Variants in DLGAP2 observed in about 807,000 individuals in gnomAD.
DLGAP2 encodes the protein disks large-associated protein 2.
In DLGAP2, 26 loss-of-function variants were observed where a neutral mutation model predicts 100.3. The observed-to-expected ratio is 0.26, with a 90% CI of 0.19 to 0.36. The LOEUF is 0.36. Ranked by LOEUF, DLGAP2 falls within the 10% of genes least tolerant of loss-of-function variation. The pLI is 1.00. For synonymous variants in DLGAP2, 886 were observed against 630.1 expected, an observed-to-expected ratio of 1.41 and a Z score of -6.08; for missense variants, 1,858 against 1,453.2, an observed-to-expected ratio of 1.28 and a Z score of -4.53.
At chr8:1,175,095 C>T (rs1310475480) in intron 2 of DLGAP2, among the ~76,000 whole-genome samples, 1 of 152,124 alleles carries the variant, frequency 6.6e-6, no homozygotes, top group East Asian at 1.9e-4. Context: ...TTCCCCTTCC[C>T]ACACTTTTTT....
intron 1 of DLGAP2, among the ~76,000 whole-genome samples, chr8:797,568 G>A (rs1796061754): frequency 6.6e-6 from 1 of 152,122 alleles, no homozygotes; most frequent in Admixed American, 6.6e-5. Context: ...GTAAATGCTA[G>A]GAGAGGAACT....
At chr8:798,333 G>C (rs1796078356) in intron 1 of DLGAP2, among the ~76,000 whole-genome samples, 1 of 148,926 alleles carries the variant, frequency 6.7e-6, no homozygotes, top group South Asian at 2.2e-4. Context: ...GGCACTGAAA[G>C]CAAACGCTTG....
At chr8:1,491,231 A>G (rs1352497682) in intron 3 of DLGAP2, among the ~76,000 whole-genome samples, 1 of 152,080 alleles carries the variant, frequency 6.6e-6, no homozygotes, top group East Asian at 1.9e-4. Flanking sequence ...TTTCTCTGAA[A>G]TTCACATGTA....
chr8:1,089,946 C>A (rs1390765896), intron 2 of DLGAP2, among the ~76,000 whole-genome samples: 1 of 152,192 alleles, frequency 6.6e-6, no homozygotes, highest in Non-Finnish European at 1.5e-5. Flanking sequence ...CGTGACTTTA[C>A]TGGAAGAAGT....
At chr8:1,532,753 A>T (rs1299473907) in intron 4 of DLGAP2, among the ~76,000 whole-genome samples, 1 of 152,104 alleles carries the variant, frequency 6.6e-6, no homozygotes, top group Admixed American at 6.5e-5. Context: ...TTGTGAAAAT[A>T]CTCTTTCTCT....
At chr8:1,206,633 G>A (rs376867699) in intron 2 of DLGAP2, among the ~76,000 whole-genome samples, 9 of 89,192 alleles carry the variant, frequency 1.0e-4, no homozygotes, top group East Asian at 3.8e-4. Flanking sequence ...GACTGTGAGC[G>A]GTTAATCTCC....
intron 2 of DLGAP2, among the ~76,000 whole-genome samples, chr8:1,197,796 C>T (rs1446605996): frequency 6.6e-6 from 1 of 152,246 alleles, no homozygotes. Context: ...AACCGCACTA[C>T]CTTTTTCATC....
chr8:1,092,104 A>C (rs900160354), intron 2 of DLGAP2, among the ~76,000 whole-genome samples: 3 of 152,146 alleles, frequency 2.0e-5, no homozygotes, highest in Non-Finnish European at 4.4e-5. Context: ...GGGGACTCTC[A>C]TGGGAGCGGC....
rs114622725 is a variant in DLGAP2, at chr8:1,527,373, C to T, written c.173-21253C>T. On this transcript the variant is annotated intron_variant, in intron 4 of 14. Transcript: ENST00000637795. Reference sequence around the variant, plus strand: ...CCTGGCACATCTCTGAGTCAAGTCACCGTCACAGGCAAGCTCCCGCTTCTC... The same window carrying T: ...CCTGGCACATCTCTGAGTCAAGTCATCGTCACAGGCAAGCTCCCGCTTCTC... Among the ~76,000 whole-genome samples, 624 of 152,348 alleles carry T rather than the reference C, an allele frequency of 4.1e-3. 2 individuals are homozygous for T. Among genetic ancestry groups the T allele is most frequent in the African/African-American group, 0.015 (607 of 41,586 alleles).
chr8:946,917 C>T (rs1799339787), intron 2 of DLGAP2, among the ~76,000 whole-genome samples: 2 of 152,194 alleles, frequency 1.3e-5, no homozygotes. Flanking sequence ...GGAAAAGCCA[C>T]CGGCCGCCCT....
intron 1 of DLGAP2, among the ~76,000 whole-genome samples, chr8:820,682 G>T (rs1029873188): frequency 5.9e-5 from 9 of 152,100 alleles, no homozygotes; most frequent in Non-Finnish European, 1.3e-4. Context: ...TAGCATTTTG[G>T]GCTCATGTGC....
chr8:1,010,129 C>G (rs919469318), intron 2 of DLGAP2, among the ~76,000 whole-genome samples: 6 of 152,230 alleles, frequency 3.9e-5, no homozygotes, highest in South Asian at 2.1e-4. Context: ...TAATTAATCA[C>G]AAGCTACTTA....
chr8:1,479,114 A>G (rs1223739566), intron 3 of DLGAP2, among the ~76,000 whole-genome samples: 1 of 152,252 alleles, frequency 6.6e-6, no homozygotes, highest in East Asian at 1.9e-4. Context: ...GAGCCCAGGC[A>G]GGGGGGCAAC....
chr8:1,168,754 T>G (rs1797068849), intron 2 of DLGAP2, among the ~76,000 whole-genome samples: 1 of 139,786 alleles, frequency 7.2e-6, no homozygotes, highest in African/African-American at 2.8e-5. Context: ...TAAATTTGTT[T>G]GAGTTCATTG....
intron 3 of DLGAP2, among the ~76,000 whole-genome samples, chr8:1,417,727 A>ACGGGGAGCCCCACTC: frequency 9.0e-6 from 1 of 111,502 alleles, no homozygotes; most frequent in African/African-American, 3.1e-5. Flanking sequence ...GAGGCTCCAG[A>ACGGGGAGCCCCACTC]CACAGAAGCC....
At chr8:1,634,817 A>T (rs1797730218) in intron 8 of DLGAP2, among the ~76,000 whole-genome samples, 1 of 152,224 alleles carries the variant, frequency 6.6e-6, no homozygotes, top group South Asian at 2.1e-4. Flanking sequence ...TTTCACAGAG[A>T]TAAGAACCAG....
At chr8:1,155,476 C>T (rs1796765387) in intron 2 of DLGAP2, among the ~76,000 whole-genome samples, 1 of 152,156 alleles carries the variant, frequency 6.6e-6, no homozygotes, top group Non-Finnish European at 1.5e-5. Context: ...AAAATTCACT[C>T]TCGGAATCTT....
chr8:1,208,122 C>A (rs554002959), intron 2 of DLGAP2, among the ~76,000 whole-genome samples: 1 of 152,190 alleles, frequency 6.6e-6, no homozygotes, highest in African/African-American at 2.4e-5. Context: ...GGTTCTTGCT[C>A]ATGAAGTATT....
intron 2 of DLGAP2, among the ~76,000 whole-genome samples, chr8:930,419 G>C (rs921347550): frequency 6.6e-6 from 1 of 152,196 alleles, no homozygotes; most frequent in Non-Finnish European, 1.5e-5. Flanking sequence ...TGCACACCAG[G>C]GACTCCAGGC....
Sources: gnomAD v4.1 joint callset for allele counts (sites outside exome capture counted in the v4.1 genomes callset) on GRCh38, gnomAD v4.1.1 for gene constraint, MANE v1.5 for transcripts, NCBI Gene and HGNC (gene_info 2026-07-23, HGNC 2026-07-21) for gene names.